Variants in PTPRN2 observed in about 807,000 individuals in gnomAD.
The protein encoded by PTPRN2 is protein tyrosine phosphatase receptor type N2.
Under a neutral mutation model 118.8 loss-of-function variants are expected in PTPRN2, and 74 were observed. That is an observed-to-expected ratio of 0.62 (90% CI 0.52 to 0.76). PTPRN2 has a LOEUF of 0.76. Among genes scored for constraint, PTPRN2 ranks in the 30% least tolerant of loss-of-function variants. The pLI is 0.00. For synonymous variants in PTPRN2, 641 were observed against 608.0 expected, an observed-to-expected ratio of 1.05 and a Z score of -0.80; for missense variants, 1,481 against 1,394.4, an observed-to-expected ratio of 1.06 and a Z score of -0.99.
chr7:157,599,568 C>T (rs1215744731), intron 16 of PTPRN2, among the ~76,000 whole-genome samples: 1 of 152,232 alleles, frequency 6.6e-6, no homozygotes, highest in Non-Finnish European at 1.5e-5. Context: ...AAACAAAGCT[C>T]ATTTTAGAAA....
chr7:158,103,214 A>C (rs756524862), intron 10 of PTPRN2, among the ~76,000 whole-genome samples: 1 of 152,168 alleles, frequency 6.6e-6, no homozygotes, highest in Non-Finnish European at 1.5e-5. Context: ...TGAGTTCCTG[A>C]GTCCTAAAAC....
intron 1 of PTPRN2, among the ~76,000 whole-genome samples, chr7:158,512,572 A>G (rs1823255359): frequency 6.6e-6 from 1 of 152,260 alleles, no homozygotes; most frequent in South Asian, 2.1e-4. Flanking sequence ...ACACACACAC[A>G]CACACATCTT....
At chr7:157,952,598 G>A (rs1193039492) in intron 11 of PTPRN2, among the ~76,000 whole-genome samples, 1 of 152,072 alleles carries the variant, frequency 6.6e-6, no homozygotes, top group East Asian at 1.9e-4. Flanking sequence ...AGGGGTGAGG[G>A]AGCCATCATC....
chr7:157,661,793 G>T (rs1795905922), intron 13 of PTPRN2, among the ~76,000 whole-genome samples: 1 of 152,170 alleles, frequency 6.6e-6, no homozygotes, highest in South Asian at 2.1e-4. Context: ...ACTACGATGG[G>T]CAGGACGTGG....
chr7:158,295,221 G>A (rs1427584502), intron 3 of PTPRN2, among the ~76,000 whole-genome samples: 2 of 67,502 alleles, frequency 3.0e-5, no homozygotes, highest in African/African-American at 6.4e-5. Context: ...CATGGGGCCC[G>A]CTGACCCTGC....
chr7:158,062,874 C>T (rs115329659), intron 11 of PTPRN2, among the ~76,000 whole-genome samples: 8 of 152,124 alleles, frequency 5.3e-5, no homozygotes, highest in South Asian at 2.1e-4. Flanking sequence ...GGCTCCTGTG[C>T]GGCCTGAGCC....
chr7:158,130,885 G>A (rs60942153), intron 9 of PTPRN2, among the ~76,000 whole-genome samples: 40,888 of 135,674 alleles, frequency 0.3, 5,671 homozygotes, highest in South Asian at 0.43. Context: ...ATGCATATAC[G>A]CACAAACCGA....
intron 11 of PTPRN2, among the ~76,000 whole-genome samples, chr7:158,058,782 C>T (rs1810036886): frequency 1.8e-5 from 2 of 112,520 alleles, no homozygotes; most frequent in African/African-American, 4.3e-5. Context: ...GACATCACTG[C>T]AGCCACACTC....
At position 158,193,943 on chromosome 7, in the gene PTPRN2, C is replaced by T. The variant is rs1470627432; in HGVS notation, c.381-1448G>A. Reference sequence around the variant, plus strand: ...AAAAAAAAGGAATATAATGTGAGGCCGGCATGGGGGCTCGCAGCTATAATC... The same window carrying T: ...AAAAAAAAGGAATATAATGTGAGGCTGGCATGGGGGCTCGCAGCTATAATC... On this transcript the variant is annotated intron_variant, in intron 4 of 22. Transcript: ENST00000389418. Among the ~76,000 whole-genome samples the T allele has an allele frequency of 2.6e-5, 4 of 150,960 alleles. No homozygotes were observed. The South Asian group carries it at 6.3e-4, about 24-fold the overall frequency.
At chr7:157,916,510 G>A (rs1798405646) in intron 11 of PTPRN2, among the ~76,000 whole-genome samples, 1 of 152,244 alleles carries the variant, frequency 6.6e-6, no homozygotes, top group Non-Finnish European at 1.5e-5. Context: ...ACAGTGTGAG[G>A]ACAGTTCTGG....
chr7:157,551,133 C>T (rs969286492), intron 21 of PTPRN2, among the ~76,000 whole-genome samples: 1 of 152,106 alleles, frequency 6.6e-6, no homozygotes, highest in Non-Finnish European at 1.5e-5. Flanking sequence ...CTGAGACAAG[C>T]TTGTCTTATG....
chr7:158,586,930 G>A (rs1017622665), intron 1 of PTPRN2, among the ~76,000 whole-genome samples: 1 of 152,030 alleles, frequency 6.6e-6, no homozygotes, highest in African/African-American at 2.4e-5. Context: ...AGGCCCAGGA[G>A]CCGGGGTAGA....
At chr7:158,385,647 T>G (rs1402264300) in intron 2 of PTPRN2, among the ~76,000 whole-genome samples, 1 of 152,208 alleles carries the variant, frequency 6.6e-6, no homozygotes, top group African/African-American at 2.4e-5. Flanking sequence ...GTTTAGATAT[T>G]ACTCAAAGTT....
chr7:158,414,176 A>G (rs1814442846), intron 2 of PTPRN2, among the ~76,000 whole-genome samples: 2 of 151,778 alleles, frequency 1.3e-5, no homozygotes, highest in African/African-American at 2.4e-5. Context: ...GTGCACTTCC[A>G]GAGCGTAGGG....
chr7:158,149,466 T>G (rs1820693637), intron 6 of PTPRN2, among the ~76,000 whole-genome samples: 2 of 152,284 alleles, frequency 1.3e-5, no homozygotes, highest in South Asian at 4.1e-4. Flanking sequence ...ATCCTTATTT[T>G]TAATCTCTAA....
chr7:158,502,504 AG>A (rs1822439254), intron 1 of PTPRN2, among the ~76,000 whole-genome samples: 1 of 152,142 alleles, frequency 6.6e-6, no homozygotes, highest in Non-Finnish European at 1.5e-5. Flanking sequence ...GCCACCCCTC[AG>A]GGGTCCATGG....
At chr7:158,142,981 T>C (rs1819527327) in intron 6 of PTPRN2, among the ~76,000 whole-genome samples, 1 of 152,166 alleles carries the variant, frequency 6.6e-6, no homozygotes, top group Non-Finnish European at 1.5e-5. Flanking sequence ...ATTGCAGCTT[T>C]CAGAATCAGA....
intron 3 of PTPRN2, among the ~76,000 whole-genome samples, chr7:158,257,078 C>G (rs1797066548): frequency 6.6e-6 from 1 of 152,150 alleles, no homozygotes; most frequent in Non-Finnish European, 1.5e-5. Context: ...CCTGCTTTCC[C>G]TGGGATCTGG....
intron 11 of PTPRN2, among the ~76,000 whole-genome samples, chr7:157,904,767 C>T (rs893495953): frequency 2.0e-5 from 3 of 152,170 alleles, no homozygotes; most frequent in Admixed American, 6.5e-5. Context: ...CAGAGAGAAT[C>T]GAAACACAGA....
Sources: gnomAD v4.1 joint callset for allele counts (sites outside exome capture counted in the v4.1 genomes callset) on GRCh38, gnomAD v4.1.1 for gene constraint, MANE v1.5 for transcripts, NCBI Gene and HGNC (gene_info 2026-07-23, HGNC 2026-07-21) for gene names.